AKT3: variants seen among roughly 807,000 people sequenced by gnomAD.
AKT3 encodes the protein AKT serine/threonine kinase 3.
A neutral mutation model predicts 65.3 loss-of-function variants in AKT3; 15 were observed. The observed-to-expected ratio is 0.23, with a 90% CI of 0.15 to 0.35. The LOEUF (loss-of-function observed/expected upper bound fraction) is 0.35, where lower values mean the gene tolerates loss of function less well. AKT3 is among the 10% of genes least tolerant of loss of function. AKT3 has a pLI of 1.00. For synonymous variants in AKT3, 206 were observed against 183.8 expected (o/e 1.12, Z -0.98); for missense variants, 243 against 576.5 (o/e 0.42, Z 5.92).
chr1:243,595,096 T>C (rs1676507468), intron 8 of AKT3, among the ~76,000 whole-genome samples: 1 of 152,192 alleles, frequency 6.6e-6, no homozygotes, highest in African/African-American at 2.4e-5. Flanking sequence ...AATTAGACAA[T>C]TTCATCATTG....
At chr1:243,705,804 T>G (rs538096829) in intron 2 of AKT3, among the ~76,000 whole-genome samples, 1 of 152,312 alleles carries the variant, frequency 6.6e-6, no homozygotes, top group Admixed American at 6.5e-5. Context: ...AGCTAAGTTA[T>G]TATTTTGCTT....
chr1:243,495,799 T>C (rs369790228), downstream of AKT3, among the ~76,000 whole-genome samples: 4 of 152,290 alleles, frequency 2.6e-5, no homozygotes, highest in East Asian at 3.9e-4. Context: ...AGAGCTCACG[T>C]GGCTTATTTC....
chr1:243,524,828 A>G (rs1670941526), intron 12 of AKT3, among the ~76,000 whole-genome samples: 1 of 152,330 alleles, frequency 6.6e-6, no homozygotes, highest in South Asian at 2.1e-4. Context: ...AAAACAATCT[A>G]AAGGTTCTGG....
chr1:243,631,375 G>A (rs1052948705), intron 6 of AKT3, among the ~76,000 whole-genome samples: 9 of 152,110 alleles, frequency 5.9e-5, no homozygotes, highest in African/African-American at 1.7e-4. Flanking sequence ...GCAGTGGCAC[G>A]ATCTTGGTAT....
chr1:243,778,690 T>C (rs953149227), intron 2 of AKT3, among the ~76,000 whole-genome samples: 3 of 152,154 alleles, frequency 2.0e-5, no homozygotes, highest in Non-Finnish European at 4.4e-5. Context: ...ATTAAACAGA[T>C]TGTACATGTG....
In AKT3 at chr1:243,614,949, A is replaced by G. The variant is rs1023179187; in HGVS notation, c.627+147T>C. The G allele has an allele frequency of 2.1e-5, 13 of 628,472 alleles. No individual in the cohort carries two copies. The East Asian group carries it at 2.5e-4, about 12-fold the overall frequency. 38.9% of individuals were successfully genotyped at this position (628,472 alleles called of 1,614,324 possible). On this transcript the variant is annotated intron_variant, in intron 7 of 13. Coordinates refer to ENST00000673466, the MANE Select transcript of AKT3 (RefSeq NM_005465.7). ...ACACTGTAAAAATCCATACATTCTA[A>G]TAAGTTATAAGAAATTTGACTTACG...
intron 2 of AKT3, among the ~76,000 whole-genome samples, chr1:243,736,409 A>C (rs1232522701): frequency 6.6e-6 from 1 of 152,196 alleles, no homozygotes; most frequent in Non-Finnish European, 1.5e-5. Flanking sequence ...AAAGGCCTTA[A>C]ATGGCTGTAC....
intron 2 of AKT3, among the ~76,000 whole-genome samples, chr1:243,733,813 G>C (rs877970): frequency 0.031 from 4,646 of 152,260 alleles, 117 homozygotes; most frequent in Middle Eastern, 0.2. Flanking sequence ...TGCTAATCAA[G>C]TGAGCATATG....
chr1:243,520,613 G>C (rs1670660428), intron 12 of AKT3, among the ~76,000 whole-genome samples: 1 of 152,106 alleles, frequency 6.6e-6, no homozygotes, highest in South Asian at 2.1e-4. Context: ...TCAATGAACA[G>C]CTATAGTGTC....
At chr1:243,691,809 C>G (rs1468363445) in intron 3 of AKT3, among the ~76,000 whole-genome samples, 1 of 152,146 alleles carries the variant, frequency 6.6e-6, no homozygotes, top group Non-Finnish European at 1.5e-5. Context: ...GAGGCCTAGC[C>G]TAGAGATTTA....
At chr1:243,799,491 A>G (rs899299763) in intron 2 of AKT3, among the ~76,000 whole-genome samples, 1 of 152,248 alleles carries the variant, frequency 6.6e-6, no homozygotes. Flanking sequence ...TCATAGTTTT[A>G]GAAACATAGT....
chr1:243,762,637 G>A (rs1201630527), intron 2 of AKT3, among the ~76,000 whole-genome samples: 1 of 152,006 alleles, frequency 6.6e-6, no homozygotes, highest in Non-Finnish European at 1.5e-5. Context: ...ATATGTGAAT[G>A]GTTAAAACAT....
chr1:243,624,021 C>G (rs1186069146), intron 6 of AKT3, among the ~76,000 whole-genome samples: 1 of 152,168 alleles, frequency 6.6e-6, no homozygotes, highest in Non-Finnish European at 1.5e-5. Context: ...AAACAATAAC[C>G]ATGAGTCTTT....
intron 2 of AKT3, chr1:243,741,954 AT>A (rs762432740): frequency 5.3e-5 from 8 of 152,186 alleles, no homozygotes; most frequent in Admixed American, 6.5e-5. Context: ...ATTCAAAAAA[AT>A]ACCTGTAAAC....
intron 2 of AKT3, among the ~76,000 whole-genome samples, chr1:243,783,593 A>G (rs1691049621): frequency 6.6e-6 from 1 of 152,220 alleles, no homozygotes; most frequent in Non-Finnish European, 1.5e-5. Flanking sequence ...TTTGTAAATG[A>G]AAAGTTAACT....
intron 6 of AKT3, among the ~76,000 whole-genome samples, chr1:243,615,560 G>T (rs1302807037): frequency 6.6e-6 from 1 of 152,082 alleles, no homozygotes. Context: ...TCAGGGGGAT[G>T]AAAGGATATA....
At chr1:243,603,864 CT>C (rs1419327274) in intron 8 of AKT3, among the ~76,000 whole-genome samples, 1 of 150,420 alleles carries the variant, frequency 6.6e-6, no homozygotes, top group Non-Finnish European at 1.5e-5. Context: ...CTAGAATTTG[CT>C]TCCTTCTAAC....
At chr1:243,847,355 C>G (rs1352174700) in intron 1 of AKT3, among the ~76,000 whole-genome samples, 1 of 152,146 alleles carries the variant, frequency 6.6e-6, no homozygotes, top group East Asian at 1.9e-4. Context: ...AAGCATCCAA[C>G]TAACAAGTTG....
intron 8 of AKT3, among the ~76,000 whole-genome samples, chr1:243,579,678 G>A (rs1675194320): frequency 6.6e-6 from 1 of 152,064 alleles, no homozygotes; most frequent in Admixed American, 6.5e-5. Context: ...GTGCCTTCAA[G>A]AAAAAGGTTT....
Sources: allele counts gnomAD v4.1 joint callset (sites outside exome capture counted in the v4.1 genomes callset), GRCh38; gene constraint gnomAD v4.1.1; transcripts MANE v1.5; gene names NCBI Gene and HGNC (gene_info 2026-07-23, HGNC 2026-07-21).